Variants in WWC2 observed in about 807,000 individuals in gnomAD.
WWC2 encodes the protein WW and C2 domain containing 2, also known as protein WWC2.
Under a neutral mutation model 138.5 loss-of-function variants are expected in WWC2, and 101 were observed. That is an observed-to-expected ratio of 0.73 (90% CI 0.62 to 0.86). WWC2 has a LOEUF of 0.86. Among genes scored for constraint, WWC2 ranks in the 40% least tolerant of loss-of-function variants. The pLI, the probability that WWC2 is intolerant of heterozygous loss-of-function variation, is 0.00. For synonymous variants in WWC2, 558 were observed against 538.4 expected, an observed-to-expected ratio of 1.04 and a Z score of -0.50; for missense variants, 1,420 against 1,419.4, an observed-to-expected ratio of 1.00 and a Z score of -0.01.
intron 2 of WWC2, among the ~76,000 whole-genome samples, chr4:183,196,972 T>C (rs1735163471): frequency 6.6e-6 from 1 of 152,216 alleles, no homozygotes; most frequent in African/African-American, 2.4e-5. Context: ...TATGTTTTCC[T>C]CACTAAATTG....
At chr4:183,230,557 A>G (rs1314847082) in intron 4 of WWC2, among the ~76,000 whole-genome samples, 2 of 152,194 alleles carry the variant, frequency 1.3e-5, no homozygotes, top group Non-Finnish European at 2.9e-5. Context: ...CACGCCTGTA[A>G]TCCCAGCTAT....
intron 4 of WWC2, among the ~76,000 whole-genome samples, chr4:183,214,507 T>G (rs1258681900): frequency 6.6e-6 from 1 of 152,072 alleles, no homozygotes; most frequent in East Asian, 1.9e-4. Context: ...AAAAGAAATA[T>G]GCTGGCCAGG....
intron 1 of WWC2, among the ~76,000 whole-genome samples, chr4:183,164,988 CTAAT>C (rs1413911784): frequency 1.3e-5 from 2 of 152,100 alleles, no homozygotes; most frequent in African/African-American, 4.8e-5. Flanking sequence ...GTACTAATAA[CTAAT>C]AGTAAATGTT....
chr4:183,124,557 G>A (rs1293765612), intron 1 of WWC2, among the ~76,000 whole-genome samples: 2 of 138,890 alleles, frequency 1.4e-5, no homozygotes, highest in African/African-American at 5.7e-5. Flanking sequence ...TTTTTTGCTG[G>A]GATTACAGGC....
In WWC2 at chr4:183,296,933, C is replaced by CAAAAAAAA. The variant is rs776211338; in HGVS notation, c.3384+7327_3384+7334dup. Among the ~76,000 whole-genome samples the CAAAAAAAA allele has an allele frequency of 1.8e-4, 13 of 70,758 alleles. 1 individual carries two copies. The highest frequency in any genetic ancestry group is 8.1e-4 in the African/African-American group (13 of 15,962). The allele number at this position is 70,758 out of a possible 152,430, so 46.4% of individuals were successfully genotyped here. ...TGGGCAACAGAGCGAGACTCCGTCT[C>CAAAAAAAA]AAAAAAAAAAAAAAAAAAAAAAAAA... On this transcript the variant is annotated intron_variant, in intron 21 of 22. Transcript: ENST00000403733.
rs1735492409 is a variant in WWC2 at position 183,208,041 on chromosome 4, C to T, written c.330C>T (p.Ala110=). The T allele has an allele frequency of 6.2e-7, 1 of 1,613,632 alleles. No individual in the cohort carries two copies. The highest frequency in any genetic ancestry group is 8.5e-7 in the Non-Finnish European group (1 of 1,179,792). ...LKDYLSVAQD[A]LRTQKELYHV... ...ACTACCTCTCTGTGGCACAGGATGC[C>T]CTCCGGACACAGAAGGAACTGTACC... is the stretch of plus-strand genomic sequence containing the variant. Residue 110 remains alanine, a synonymous_variant, in exon 3 of 23, where the codon GCC becomes GCT. Transcript: ENST00000403733.
intron 1 of WWC2, among the ~76,000 whole-genome samples, chr4:183,122,302 A>C (rs1732628541): frequency 3.9e-5 from 6 of 152,180 alleles, no homozygotes; most frequent in Admixed American, 3.9e-4. Context: ...ATGCCTTCCC[A>C]CACACACAAA....
At chr4:183,203,877 G>A (rs1302274798) in intron 2 of WWC2, among the ~76,000 whole-genome samples, 2 of 152,094 alleles carry the variant, frequency 1.3e-5, no homozygotes, top group South Asian at 2.1e-4. Context: ...CATACACACA[G>A]TGTTACTAAG....
intron 1 of WWC2, among the ~76,000 whole-genome samples, chr4:183,166,246 A>G (rs1734125202): frequency 6.6e-6 from 1 of 152,132 alleles, no homozygotes. Context: ...AATTGATAGA[A>G]TTGGGTAAGG....
In WWC2 at chr4:183,248,695, CTT is replaced by C; in HGVS notation, c.733-17_733-16del. 5.7e-6 allele frequency: 9 copies of C among 1,566,166 alleles called. No individual in the cohort carries two copies. The highest frequency in any genetic ancestry group is 7.8e-6 in the Non-Finnish European group (9 of 1,149,358). On this transcript the variant is annotated splice_polypyrimidine_tract_variant and intron_variant, in intron 6 of 22. Transcript: ENST00000403733. ...CTTACTTGTTAAGCTTTATGAAACACTTTGTGTTTTCTGAACAGAGTCTTGCT... is the reference window on the plus strand; with the variant it reads ...CTTACTTGTTAAGCTTTATGAAACACTGTGTTTTCTGAACAGAGTCTTGCT...
At chr4:183,254,647 C>T (rs531214766) in intron 9 of WWC2, among the ~76,000 whole-genome samples, 10 of 152,304 alleles carry the variant, frequency 6.6e-5, no homozygotes, top group South Asian at 2.1e-4. Context: ...TTGACATGAA[C>T]GCATCTGCAT....
chr4:183,163,554 C>T (rs1488032942), intron 1 of WWC2, among the ~76,000 whole-genome samples: 2 of 152,132 alleles, frequency 1.3e-5, no homozygotes, highest in African/African-American at 4.8e-5. Flanking sequence ...AACCTGAGTG[C>T]GAAACAGCTG....
rs868559024 is a variant in WWC2, at chr4:183,269,018, T to A, written c.2255T>A (p.Leu752Gln). Residue 752 changes from leucine to glutamine, a missense_variant, in exon 15 of 23, where the codon CTG becomes CAG. Coordinates refer to ENST00000403733, the MANE Select transcript of WWC2 (RefSeq NM_024949.6). ...VLPSSTDVSC[L>Q]FRTKVHPPTE... ...CCTTCCTCAACTGATGTCAGCTGTC[T>A]GTTTCGCACAAAAGTTCATCCGCCC... The A allele has an allele frequency of 6.2e-7, 1 of 1,613,964 alleles. No homozygotes were observed. The highest frequency in any genetic ancestry group is 1.6e-4 in the Middle Eastern group (1 of 6,062).
In WWC2 at chr4:183,191,074, T is replaced by C. The variant is rs567673020; in HGVS notation, c.132-2525T>C. On this transcript the variant is annotated intron_variant, in intron 1 of 22. Transcript: ENST00000403733. Reference sequence around the variant, plus strand: ...ATGAAAGAGAATCATCAAACAGTGATACAGAGGGTGACCTGGCACCAGAGC... The same window carrying C: ...ATGAAAGAGAATCATCAAACAGTGACACAGAGGGTGACCTGGCACCAGAGC... Among the ~76,000 whole-genome samples the C allele has an allele frequency of 6.6e-5, 10 of 152,126 alleles. No individual in the cohort carries two copies. The South Asian group carries it at 2.1e-3, about 32-fold the overall frequency.
At chr4:183,270,656 C>T (rs191360639) in intron 15 of WWC2, among the ~76,000 whole-genome samples, 299 of 151,602 alleles carry the variant, frequency 2.0e-3, no homozygotes, top group Middle Eastern at 3.4e-3. Flanking sequence ...CCCAGCTATT[C>T]AGGAGGCTGA....
intron 2 of WWC2, among the ~76,000 whole-genome samples, chr4:183,206,213 G>A (rs1735443129): frequency 6.6e-6 from 1 of 152,046 alleles, no homozygotes; most frequent in South Asian, 2.1e-4. Context: ...GAAAACCATT[G>A]TTCATATATT....
intron 1 of WWC2, among the ~76,000 whole-genome samples, chr4:183,165,248 G>A (rs184372540): frequency 1.3e-5 from 2 of 152,230 alleles, no homozygotes; most frequent in Admixed American, 6.5e-5. Context: ...TTCATGTCAG[G>A]GCTTTGGAAG....
At chr4:183,251,369 T>G (rs1348774021) in intron 8 of WWC2, among the ~76,000 whole-genome samples, 3 of 152,238 alleles carry the variant, frequency 2.0e-5, no homozygotes, top group African/African-American at 7.2e-5. Flanking sequence ...GAATGGCCAT[T>G]ACTCAGAAGC....
At chr4:183,282,013 C>T (rs529060059) in intron 17 of WWC2, among the ~76,000 whole-genome samples, 11 of 152,244 alleles carry the variant, frequency 7.2e-5, no homozygotes, top group African/African-American at 2.6e-4. Context: ...CATTATGTCA[C>T]CAATCAAATT....
Sources: gnomAD v4.1 joint callset for allele counts (sites outside exome capture counted in the v4.1 genomes callset) on GRCh38, gnomAD v4.1.1 for gene constraint, MANE v1.5 for transcripts, NCBI Gene and HGNC (gene_info 2026-07-23, HGNC 2026-07-21) for gene names.